The following BRD1 variants were observed in gnomAD, a reference collection of about 807,000 sequenced individuals.
BRD1 encodes bromodomain containing 1.
BRD1 carries 24 observed loss-of-function variants against 107.7 expected under a neutral mutation model. The ratio of observed to expected loss-of-function variants is 0.22; its 90% CI spans 0.16 to 0.31. BRD1 has a LOEUF of 0.31. BRD1 is among the 10% of genes least tolerant of loss of function. BRD1 has a pLI of 1.00. For missense variants in BRD1, 1,279 were observed against 1,638.6 expected (o/e 0.78, Z 3.79); for synonymous variants, 744 against 686.1 (o/e 1.08, Z -1.32).
rs150570710 is a variant in BRD1 at position 49,794,275 on chromosome 22, G to C, written c.2118C>G (p.Pro706=). 2 of 1,611,946 alleles carry C rather than the reference G, an allele frequency of 1.2e-6. No homozygotes were observed. Among genetic ancestry groups the C allele is most frequent in the Non-Finnish European group, 1.7e-6 (2 of 1,178,706 alleles). Residue 706 remains proline (P), a synonymous_variant, in exon 7 of 13, where the codon CCC becomes CCG. Coordinates refer to ENST00000404760, the MANE Select transcript of BRD1 (RefSeq NM_001304808.3). ...CCAGGCCCAGGTGGGCTCTGTTGGC[G>C]GGGTCCAGCAACCTGTCCACTGAAC... The part of the protein sequence containing the change: ...SWEDVDRLLD[P]ANRAHLGLEE...
chr22:49,823,007 C>T lies in BRD1; in HGVS notation c.1311G>A (p.Leu437=), dbSNP rs771609319. 2.5e-6 allele frequency: 4 copies of T among 1,614,226 alleles called. No individual in the cohort carries two copies. The highest frequency in any genetic ancestry group is 3.3e-5 in the Admixed American group (2 of 60,020). The change falls in exon 2 of 13, where the codon CTG becomes CTA. Residue 437 remains leucine, a synonymous_variant. Transcript: ENST00000404760. ...TCGGCAGGACCGCGCAGGGCTCAGCCAGAGCTTTCTTAGCCTTTTTTGCCT... is the reference window on the plus strand; with the variant it reads ...TCGGCAGGACCGCGCAGGGCTCAGCTAGAGCTTTCTTAGCCTTTTTTGCCT... ...RKKAKKAKKA[L]AEPCAVLPTV... is the part of the protein sequence containing the mutation.
chr22:49,821,203 C>G (rs976639084), intron 2 of BRD1, among the ~76,000 whole-genome samples: 12 of 152,222 alleles, frequency 7.9e-5, no homozygotes, highest in Non-Finnish European at 1.3e-4. Flanking sequence ...CCCGGCCAGG[C>G]CCGGCCTCTC....
At chr22:49,777,914 T>C (rs1162973127) in intron 8 of BRD1, 101 bp from the exon 9 acceptor site, 4 of 1,439,618 alleles carry the variant, frequency 2.8e-6, no homozygotes, top group Non-Finnish European at 3.7e-6. Context: ...AAAGCACGTT[T>C]CACAGACAGG....
At position 49,774,771 on chromosome 22, in the gene BRD1, G is replaced by C. The variant is rs536715246; in HGVS notation, c.3387-355C>G. Reference sequence around the variant, plus strand: ...GTGGTTGGGGAGACCCCATCAAAGGGGCCCTCGGATGGACAAGGTGTGGGC... The same window carrying C: ...GTGGTTGGGGAGACCCCATCAAAGGCGCCCTCGGATGGACAAGGTGTGGGC... On this transcript the variant is annotated intron_variant, in intron 12 of 12. Transcript: ENST00000404760. Among the ~76,000 whole-genome samples, 12 of 152,386 alleles carry C rather than the reference G, an allele frequency of 7.9e-5. 1 individual carries two copies. The highest frequency in any genetic ancestry group is 7.2e-4 in the Admixed American group (11 of 15,314).
intron 2 of BRD1, among the ~76,000 whole-genome samples, chr22:49,810,480 G>A (rs180673981): frequency 3.5e-4 from 54 of 152,208 alleles, no homozygotes; most frequent in African/African-American, 1.2e-3. Context: ...CAGATAAACT[G>A]GACTCCATCC....
chr22:49,808,350 C>A (rs572137275), intron 2 of BRD1, among the ~76,000 whole-genome samples: 2 of 152,316 alleles, frequency 1.3e-5, no homozygotes, highest in African/African-American at 4.8e-5. Context: ...CCTTAAAAGG[C>A]AAGGAAGTTC....
At chr22:49,801,762 G>A (rs1032024034) in intron 3 of BRD1, among the ~76,000 whole-genome samples, 3 of 152,362 alleles carry the variant, frequency 2.0e-5, no homozygotes, top group East Asian at 1.9e-4. Flanking sequence ...CGATGAAGCA[G>A]AGGGGGCCCA....
At chr22:49,819,520 C>G (rs1217009092) in intron 2 of BRD1, among the ~76,000 whole-genome samples, 3 of 152,032 alleles carry the variant, frequency 2.0e-5, no homozygotes, top group Non-Finnish European at 4.4e-5. Context: ...GCCACTGCAC[C>G]CGTCTGAGCA....
Position 49,798,228 on chromosome 22 carries a change from A to G in BRD1, c.1786-111T>C, listed in dbSNP as rs1237228094. 3.5e-6 allele frequency: 4 copies of G among 1,131,000 alleles called. No homozygotes were observed. In the East Asian group the frequency reaches 9.7e-5, roughly 27 times the overall value. The allele number at this position is 1,131,000 out of a possible 1,614,324, so 70.1% of individuals were successfully genotyped here. On this transcript the variant is annotated intron_variant, in intron 5 of 12. Transcript: ENST00000404760. ...AGCCCATCCTATCTGAGAGCCACAC[A>G]CAGACACGCAGACGGTACAGACATA...
chr22:49,821,227 T>C (rs1441436971), intron 2 of BRD1, among the ~76,000 whole-genome samples: 4 of 152,226 alleles, frequency 2.6e-5, no homozygotes, highest in African/African-American at 9.6e-5. Context: ...GAGCAGGTCA[T>C]CATCTGGTAC....
In BRD1 at chr22:49,803,334, G is replaced by A. The variant is rs578178366; in HGVS notation, c.1524+870C>T. On this transcript the variant is annotated intron_variant, in intron 3 of 12. Coordinates refer to ENST00000404760, the MANE Select transcript of BRD1 (RefSeq NM_001304808.3). The surrounding 1 kb of genome is among the most constrained non-coding windows in gnomAD (Gnocchi z 4.4). ...CAGCAGAGCAGGATGGTTTCGCTTC[G>A]TGCCCAGGATGGCAGTGAAAAGCAC... is the stretch of plus-strand genomic sequence containing the variant. Among the ~76,000 whole-genome samples the A allele has an allele frequency of 7.9e-5, 12 of 152,322 alleles. No homozygotes were observed. The South Asian group carries it at 2.3e-3, about 29-fold the overall frequency.
intron 2 of BRD1, among the ~76,000 whole-genome samples, chr22:49,814,238 CG>C (rs1221158798): frequency 2.6e-5 from 4 of 152,250 alleles, no homozygotes; most frequent in Non-Finnish European, 5.9e-5. Context: ...CACTCACCCA[CG>C]GGCACAAGCC....
intron 3 of BRD1, among the ~76,000 whole-genome samples, chr22:49,802,813 C>T (rs561082873): frequency 2.6e-5 from 4 of 152,322 alleles, no homozygotes; most frequent in East Asian, 1.9e-4. Context: ...CTGGAGGCTA[C>T]GAGGTGAGGA....
At chr22:49,781,724 GC>G (rs2059212688) in intron 8 of BRD1, among the ~76,000 whole-genome samples, 1 of 152,278 alleles carries the variant, frequency 6.6e-6, no homozygotes, top group Non-Finnish European at 1.5e-5. Context: ...AGCCCTGAGG[GC>G]CCCACGCAGT....
Position 49,791,220 on chromosome 22 carries a change from C to T in BRD1, c.2359+2814G>A, listed in dbSNP as rs549048886. On this transcript the variant is annotated intron_variant, in intron 7 of 12. Coordinates refer to ENST00000404760, the MANE Select transcript of BRD1 (RefSeq NM_001304808.3). Reference sequence around the variant, plus strand: ...GCAGGGCCAGCTCACAGCAACAGCCCGAACCTCTGCACTCGGCAGACTGAG... The same window carrying T: ...GCAGGGCCAGCTCACAGCAACAGCCTGAACCTCTGCACTCGGCAGACTGAG... Among the ~76,000 whole-genome samples, 4 of 152,358 alleles carry T rather than the reference C, an allele frequency of 2.6e-5. No individual in the cohort carries two copies. In the East Asian group the frequency reaches 5.8e-4, roughly 22 times the overall value.
At chr22:49,790,411 C>T (rs370772518) in intron 7 of BRD1, among the ~76,000 whole-genome samples, 1 of 152,194 alleles carries the variant, frequency 6.6e-6, no homozygotes, top group Non-Finnish European at 1.5e-5. Flanking sequence ...GGGAAAAGCT[C>T]AGAACATGCT....
chr22:49,798,718 G>A (rs1433978952), intron 4 of BRD1, 32 bp from the exon 5 acceptor site: 3 of 1,552,300 alleles, frequency 1.9e-6, no homozygotes, highest in Admixed American at 1.9e-5. Flanking sequence ...TCAGCTTTAG[G>A]GAGCCGCACA....
At chr22:49,789,128 G>A (rs750046566) in intron 7 of BRD1, among the ~76,000 whole-genome samples, 1 of 152,276 alleles carries the variant, frequency 6.6e-6, no homozygotes, top group Non-Finnish European at 1.5e-5. Flanking sequence ...CAAATACAAG[G>A]GGGAAGCCTC....
chr22:49,813,104 G>A (rs1198270894), intron 2 of BRD1, among the ~76,000 whole-genome samples: 3 of 152,310 alleles, frequency 2.0e-5, no homozygotes, highest in Admixed American at 1.3e-4. Context: ...AAGACTCCTC[G>A]AGGTGGCCGG....
Sources: gnomAD v4.1 joint callset for allele counts (sites outside exome capture counted in the v4.1 genomes callset) on GRCh38, gnomAD v4.1.1 for gene constraint, Gnocchi (gnomAD v3.1) non-coding constraint, MANE v1.5 for transcripts, NCBI Gene and HGNC (gene_info 2026-07-23, HGNC 2026-07-21) for gene names.